Variants in ICA1 observed in about 807,000 individuals in gnomAD.
ICA1 encodes 69 kDa islet cell autoantigen.
In ICA1, 40 loss-of-function variants were observed where a neutral mutation model predicts 71.0. That is an observed-to-expected ratio of 0.56 (90% CI 0.44 to 0.73). The LOEUF (loss-of-function observed/expected upper bound fraction) is 0.73, where lower values mean the gene tolerates loss of function less well. Among genes scored for constraint, ICA1 ranks in the 30% least tolerant of loss-of-function variants. The probability of loss-of-function intolerance (pLI) is 0.00; values close to 1 mark genes in which losing one functional copy is unlikely to be tolerated. For synonymous variants in ICA1, 207 were observed against 209.5 expected (o/e 0.99, Z 0.10); for missense variants, 578 against 576.5 (o/e 1.00, Z -0.03).
intron 7 of ICA1, 93 bp downstream of exon 7, chr7:8,158,434 T>C (rs1490296943): frequency 2.3e-5 from 35 of 1,511,000 alleles, no homozygotes; most frequent in Non-Finnish European, 2.8e-5. Flanking sequence ...AACTTCACAA[T>C]GGCCAAAGCT....
At position 8,158,602 on chromosome 7, in the gene ICA1, C is replaced by T; in HGVS notation, c.630G>A (p.Met210Ile). The stretch of plus-strand genomic sequence containing the variant: ...GAAGATCCACTTTTTGACAAACATC[C>T]ATCTTCAATTTGTCAAAGTTTTTTT... ...LAKKNFDKLK[M>I]DVCQKVDLLG... The change falls in exon 7 of 14, where the codon ATG (methionine) becomes ATA (isoleucine). Residue 210 changes from methionine to isoleucine, a missense_variant. By Grantham distance (10) the Met-to-Ile change is conservative (BLOSUM62 1). Coordinates refer to ENST00000402384, the MANE Select transcript of ICA1 (RefSeq NM_001136020.3). The T allele has an allele frequency of 6.2e-7, 1 of 1,614,060 alleles. No individual in the cohort carries two copies. The highest frequency in any genetic ancestry group is 1.1e-5 in the South Asian group (1 of 91,078).
chr7:8,257,838 T>C (rs1810745675), intron 1 of ICA1, among the ~76,000 whole-genome samples: 1 of 152,220 alleles, frequency 6.6e-6, no homozygotes, highest in Non-Finnish European at 1.5e-5. Context: ...ATGATCAGAC[T>C]TGTCCAAGGC....
At chr7:8,208,897 G>A (rs769849873) in intron 6 of ICA1, among the ~76,000 whole-genome samples, 5 of 152,170 alleles carry the variant, frequency 3.3e-5, no homozygotes, top group African/African-American at 7.2e-5. Flanking sequence ...GATTCAAGCT[G>A]CTGAGGCACT....
chr7:8,260,807 G>T (rs1385541875), intron 1 of ICA1, among the ~76,000 whole-genome samples: 5 of 152,136 alleles, frequency 3.3e-5, no homozygotes, highest in Non-Finnish European at 7.4e-5. Flanking sequence ...TTTTAAACAG[G>T]GGGTATGAAA....
intron 1 of ICA1, among the ~76,000 whole-genome samples, chr7:8,245,859 GAC>G (rs1303330990): frequency 6.6e-6 from 1 of 152,178 alleles, no homozygotes; most frequent in Non-Finnish European, 1.5e-5. Context: ...TCGCAGTAAA[GAC>G]AGATATATAA....
At chr7:8,260,193 G>C (rs1033468250) in intron 1 of ICA1, among the ~76,000 whole-genome samples, 3 of 152,038 alleles carry the variant, frequency 2.0e-5, no homozygotes, top group African/African-American at 4.8e-5. Context: ...ATAACTACCA[G>C]ACCTCCATAC....
intron 6 of ICA1, among the ~76,000 whole-genome samples, chr7:8,160,349 C>A (rs1463780835): frequency 6.6e-6 from 1 of 152,136 alleles, no homozygotes; most frequent in Non-Finnish European, 1.5e-5. Flanking sequence ...CACATGTCAG[C>A]ATCATTCTAT....
At chr7:8,155,848 C>A (rs548295521) in intron 8 of ICA1, among the ~76,000 whole-genome samples, 12 of 152,274 alleles carry the variant, frequency 7.9e-5, no homozygotes, top group African/African-American at 2.6e-4. Context: ...CTACCAACAA[C>A]GGTAACATTG....
At chr7:8,182,111 A>G (rs1029258001) in intron 6 of ICA1, among the ~76,000 whole-genome samples, 2 of 152,140 alleles carry the variant, frequency 1.3e-5, no homozygotes, top group Admixed American at 6.5e-5. Context: ...ACTCTGCCAG[A>G]AACACTCTTA....
intron 1 of ICA1, among the ~76,000 whole-genome samples, chr7:8,245,226 A>G (rs1486102036): frequency 6.6e-6 from 1 of 152,164 alleles, no homozygotes; most frequent in Non-Finnish European, 1.5e-5. Context: ...AATACTATGC[A>G]GCCATAAAAA....
chr7:8,241,802 A>G (rs1456599314), intron 1 of ICA1, among the ~76,000 whole-genome samples: 1 of 152,230 alleles, frequency 6.6e-6, no homozygotes, highest in East Asian at 1.9e-4. Flanking sequence ...ACCAACAAAG[A>G]TCAAAAGAGA....
intron 6 of ICA1, among the ~76,000 whole-genome samples, chr7:8,179,781 A>T (rs1232713855): frequency 6.6e-6 from 1 of 152,122 alleles, no homozygotes; most frequent in Non-Finnish European, 1.5e-5. Flanking sequence ...TTTTTACAGA[A>T]AGAGTTCTCC....
intron 6 of ICA1, among the ~76,000 whole-genome samples, chr7:8,199,772 C>G (rs1184834804): frequency 6.6e-6 from 1 of 152,128 alleles, no homozygotes; most frequent in African/African-American, 2.4e-5. Context: ...ATGGATGGAA[C>G]TGGAGGTCAT....
chr7:8,225,589 G>A (rs1798367565), intron 4 of ICA1, among the ~76,000 whole-genome samples: 1 of 152,168 alleles, frequency 6.6e-6, no homozygotes, highest in Non-Finnish European at 1.5e-5. Flanking sequence ...TCACTGCTAT[G>A]GAGCGTTAGT....
At chr7:8,259,549 T>C (rs1289564316) in intron 1 of ICA1, among the ~76,000 whole-genome samples, 1 of 152,154 alleles carries the variant, frequency 6.6e-6, no homozygotes, top group Non-Finnish European at 1.5e-5. Flanking sequence ...TGTGAAAAAA[T>C]AATTTATTAC....
At chr7:8,160,076 G>T (rs1013129931) in intron 6 of ICA1, among the ~76,000 whole-genome samples, 1 of 152,164 alleles carries the variant, frequency 6.6e-6, no homozygotes, top group African/African-American at 2.4e-5. Flanking sequence ...GCGCAAAGCA[G>T]GTACTGAATA....
At chr7:8,212,449 C>T (rs926763180) in intron 6 of ICA1, among the ~76,000 whole-genome samples, 7 of 151,708 alleles carry the variant, frequency 4.6e-5, no homozygotes, top group Non-Finnish European at 2.9e-5. Flanking sequence ...CTTGTAATTC[C>T]GGCTACTCAG....
chr7:8,227,512 T>A (rs1242293304), intron 4 of ICA1: 1 of 212,782 alleles, frequency 4.7e-6, no homozygotes, highest in African/African-American at 2.4e-5. Flanking sequence ...CCTGGAGAAG[T>A]CTTACCTCAA....
At chr7:8,246,569 A>G (rs1806109300) in intron 1 of ICA1, among the ~76,000 whole-genome samples, 1 of 152,192 alleles carries the variant, frequency 6.6e-6, no homozygotes, top group African/African-American at 2.4e-5. Flanking sequence ...TGATGGGGTT[A>G]CAATATATTC....
Sources: allele counts gnomAD v4.1 joint callset (sites outside exome capture counted in the v4.1 genomes callset), GRCh38; gene constraint gnomAD v4.1.1; transcripts MANE v1.5; gene names NCBI Gene and HGNC (gene_info 2026-07-23, HGNC 2026-07-21).